The following SGCD variants were observed in gnomAD, a reference collection of about 807,000 sequenced individuals.
The protein encoded by SGCD is delta-sarcoglycan.
In SGCD, 18 loss-of-function variants were observed where a neutral mutation model predicts 36.6. That is an observed-to-expected ratio of 0.49 (90% CI 0.34 to 0.73). SGCD has a LOEUF of 0.73. SGCD is among the 30% of genes least tolerant of loss of function. The pLI, the probability that SGCD is intolerant of heterozygous loss-of-function variation, is 0.01. For missense variants in SGCD, 387 were observed against 346.7 expected, an observed-to-expected ratio of 1.12 and a Z score of -0.92; for synonymous variants, 133 against 130.6, an observed-to-expected ratio of 1.02 and a Z score of -0.12.
intron 7 of SGCD, among the ~76,000 whole-genome samples, chr5:156,720,618 C>T (rs1755449133): frequency 6.6e-6 from 1 of 152,162 alleles, no homozygotes; most frequent in Non-Finnish European, 1.5e-5. Flanking sequence ...GAGGTGGCTA[C>T]CACCTGTGGG....
intron 1 of SGCD, among the ~76,000 whole-genome samples, chr5:155,888,609 G>A (rs978624206): frequency 2.0e-5 from 3 of 152,094 alleles, no homozygotes; most frequent in Admixed American, 1.3e-4. Context: ...GTATATGATC[G>A]AATGGTAATA....
chr5:155,905,886 A>G (rs922039123), intron 1 of SGCD, among the ~76,000 whole-genome samples: 2 of 152,128 alleles, frequency 1.3e-5, no homozygotes, highest in Non-Finnish European at 2.9e-5. Context: ...TGTAAATCCA[A>G]TGAAACCCTT....
At chr5:155,737,718 G>C in the SGCD span, among the ~76,000 whole-genome samples, 20 of 152,316 alleles carry the variant, frequency 1.3e-4, no homozygotes, top group African/African-American at 4.8e-4. Flanking sequence ...CTGCGAGTGA[G>C]AGCACCCTTG....
chr5:156,568,554 A>G (rs1013729743), intron 4 of SGCD, among the ~76,000 whole-genome samples: 4 of 152,202 alleles, frequency 2.6e-5, no homozygotes, highest in Non-Finnish European at 4.4e-5. Flanking sequence ...TTGATGTCCT[A>G]GTGACTGGCT....
the SGCD span, among the ~76,000 whole-genome samples, chr5:155,784,279 A>C: frequency 1.3e-5 from 2 of 152,148 alleles, no homozygotes; most frequent in Non-Finnish European, 2.9e-5. Flanking sequence ...GATTGGAAAT[A>C]GACAGGGCAT....
chr5:156,366,173 C>T (rs775742788), intron 3 of SGCD, among the ~76,000 whole-genome samples: 1 of 152,190 alleles, frequency 6.6e-6, no homozygotes, highest in Non-Finnish European at 1.5e-5. Context: ...AGTTTTTCCT[C>T]TTTGCTGTGT....
At chr5:156,697,293 G>A (rs1456403630) in intron 7 of SGCD, among the ~76,000 whole-genome samples, 5 of 152,106 alleles carry the variant, frequency 3.3e-5, no homozygotes. Flanking sequence ...TTAGCATTTG[G>A]TTGTTGTTGC....
intron 4 of SGCD, among the ~76,000 whole-genome samples, chr5:156,575,944 C>T (rs1381421016): frequency 6.6e-6 from 1 of 152,000 alleles, no homozygotes. Context: ...TTTTTTAATA[C>T]TTTAAGTTCT....
At chr5:155,850,524 A>C in the SGCD span, among the ~76,000 whole-genome samples, 1 of 152,178 alleles carries the variant, frequency 6.6e-6, no homozygotes, top group Non-Finnish European at 1.5e-5. Context: ...TGAATTGAAA[A>C]AATGATCAAA....
At chr5:155,733,340 T>G in the SGCD span, among the ~76,000 whole-genome samples, 1 of 152,338 alleles carries the variant, frequency 6.6e-6, no homozygotes, top group East Asian at 1.9e-4. Flanking sequence ...AATTGTTTTC[T>G]CAGTGACCTC....
chr5:156,165,572 A>T lies in SGCD; in HGVS notation c.-44+41553A>T, dbSNP rs1013505438. On this transcript the variant is annotated intron_variant, in intron 3 of 9. Transcript: ENST00000517913. ...TTTCAATTTGTACTATATACTGCTT[A>T]GAAATCTGTTGATTTTTCTAGTTGA... Among the ~76,000 whole-genome samples the T allele has an allele frequency of 2.6e-5, 4 of 152,216 alleles. No individual in the cohort carries two copies. The South Asian group carries it at 8.3e-4, about 31-fold the overall frequency.
chr5:156,601,315 T>C (rs1003433662), intron 6 of SGCD, among the ~76,000 whole-genome samples: 2 of 152,330 alleles, frequency 1.3e-5, no homozygotes, highest in South Asian at 4.1e-4. Flanking sequence ...TTTTTATATA[T>C]AGTGAGAGGT....
chr5:156,193,976 G>T (rs906195735), intron 3 of SGCD, among the ~76,000 whole-genome samples: 1 of 152,152 alleles, frequency 6.6e-6, no homozygotes, highest in Non-Finnish European at 1.5e-5. Context: ...ACTTTCAATT[G>T]CAGGTGATGT....
At chr5:156,269,493 A>C (rs1489210089) in intron 3 of SGCD, among the ~76,000 whole-genome samples, 3 of 147,242 alleles carry the variant, frequency 2.0e-5, no homozygotes, top group South Asian at 2.2e-4. Flanking sequence ...AAAAAAAAAA[A>C]AAAAAAAAAA....
At chr5:156,233,054 A>G (rs1765061214) in intron 3 of SGCD, among the ~76,000 whole-genome samples, 1 of 152,234 alleles carries the variant, frequency 6.6e-6, no homozygotes, top group Non-Finnish European at 1.5e-5. Flanking sequence ...GATAATATGT[A>G]TATATTCTTG....
intron 3 of SGCD, among the ~76,000 whole-genome samples, chr5:156,257,213 G>A (rs1213191837): frequency 3.9e-5 from 6 of 151,936 alleles, no homozygotes; most frequent in African/African-American, 9.7e-5. Context: ...AGTGGCTCAC[G>A]CCTGTAATCT....
intron 6 of SGCD, among the ~76,000 whole-genome samples, chr5:156,636,543 A>G (rs1244006826): frequency 1.3e-5 from 2 of 152,208 alleles, no homozygotes; most frequent in Non-Finnish European, 2.9e-5. Flanking sequence ...ACAGGGAGCA[A>G]TTGGTGATAA....
intron 7 of SGCD, among the ~76,000 whole-genome samples, chr5:156,748,577 G>T (rs1757031962): frequency 6.6e-6 from 1 of 152,078 alleles, no homozygotes; most frequent in African/African-American, 2.4e-5. Context: ...AGATAAAGAG[G>T]ATAAACCAAT....
At chr5:156,086,628 A>G (rs1381049628) in intron 1 of SGCD, among the ~76,000 whole-genome samples, 1 of 152,206 alleles carries the variant, frequency 6.6e-6, no homozygotes, top group Non-Finnish European at 1.5e-5. Context: ...TCTTCAGATA[A>G]CTGCCTAGTG....
Sources: gnomAD v4.1 joint callset for allele counts (sites outside exome capture counted in the v4.1 genomes callset) on GRCh38, gnomAD v4.1.1 for gene constraint, MANE v1.5 for transcripts, NCBI Gene and HGNC (gene_info 2026-07-23, HGNC 2026-07-21) for gene names.